The following CPNE4 variants were observed in gnomAD, a reference collection of about 807,000 sequenced individuals.
CPNE4 encodes copine 4.
Under a neutral mutation model 67.9 loss-of-function variants are expected in CPNE4, and 25 were observed. That is an observed-to-expected ratio of 0.37 (90% confidence interval 0.27 to 0.51). CPNE4 has a LOEUF of 0.51. Among genes scored for constraint, CPNE4 ranks in the 20% least tolerant of loss-of-function variants. The pLI, the probability that CPNE4 is intolerant of heterozygous loss-of-function variation, is 0.93. For missense variants in CPNE4, 464 were observed against 690.8 expected, an observed-to-expected ratio of 0.67 and a Z score of 3.68; for synonymous variants, 242 against 244.9, an observed-to-expected ratio of 0.99 and a Z score of 0.11.
intron 1 of CPNE4, among the ~76,000 whole-genome samples, chr3:132,014,318 C>T (rs1237676888): frequency 6.6e-6 from 1 of 152,072 alleles, no homozygotes; most frequent in Non-Finnish European, 1.5e-5. Context: ...CTACTCCTCC[C>T]CCCGAATGCT....
At chr3:132,001,465 T>C (rs1323488216) in intron 1 of CPNE4, among the ~76,000 whole-genome samples, 1 of 150,080 alleles carries the variant, frequency 6.7e-6, no homozygotes, top group Non-Finnish European at 1.5e-5. Context: ...ACAAAAAAAC[T>C]CAAAGCCTGC....
At chr3:131,976,561 C>T (rs981573756) in intron 1 of CPNE4, among the ~76,000 whole-genome samples, 12 of 152,160 alleles carry the variant, frequency 7.9e-5, no homozygotes, top group Middle Eastern at 3.4e-3. Context: ...CAGAATATTA[C>T]ATCTAGCATC....
At chr3:131,639,147 A>G (rs1329429876) in intron 7 of CPNE4, among the ~76,000 whole-genome samples, 4 of 152,150 alleles carry the variant, frequency 2.6e-5, no homozygotes, top group Non-Finnish European at 4.4e-5. Flanking sequence ...GCAGAAGATA[A>G]TAAATAAGGA....
chr3:131,597,765 T>G (rs1453958145), intron 7 of CPNE4, among the ~76,000 whole-genome samples: 1 of 152,260 alleles, frequency 6.6e-6, no homozygotes, highest in Non-Finnish European at 1.5e-5. Flanking sequence ...TAAGCTTCTA[T>G]GTAATCCATT....
At chr3:131,789,007 C>CAA (rs2083639476) in intron 2 of CPNE4, among the ~76,000 whole-genome samples, 1 of 100,690 alleles carries the variant, frequency 9.9e-6, no homozygotes, top group Non-Finnish European at 2.0e-5. Flanking sequence ...CTCAACCAGA[C>CAA]ACACACACAC....
intron 1 of CPNE4, among the ~76,000 whole-genome samples, chr3:132,028,831 G>GA (rs11394981): frequency 0.67 from 101,095 of 150,758 alleles, 34,636 homozygotes; most frequent in South Asian, 0.74. Flanking sequence ...TTTAGTACTA[G>GA]AAAAAAAAGA....
At chr3:131,542,406 A>G (rs1582756294) in intron 15 of CPNE4, 151 bp downstream of exon 15, 3 of 681,346 alleles carry the variant, frequency 4.4e-6, no homozygotes, top group Non-Finnish European at 5.3e-6. Context: ...TAGCTAAGCC[A>G]GGTCATCTCC....
intron 2 of CPNE4, among the ~76,000 whole-genome samples, chr3:131,784,057 A>G (rs2083491907): frequency 1.3e-5 from 2 of 151,964 alleles, no homozygotes; most frequent in South Asian, 4.2e-4. Context: ...AAGGTTTTTA[A>G]CTCTCACTTG....
intron 7 of CPNE4, among the ~76,000 whole-genome samples, chr3:131,668,663 G>A (rs60773692): frequency 0.29 from 43,823 of 151,908 alleles, 6,600 homozygotes; most frequent in Middle Eastern, 0.33. Context: ...GTCTCCAGTA[G>A]ATTTGCTTAG....
chr3:131,819,536 T>C (rs2084883085), intron 2 of CPNE4, among the ~76,000 whole-genome samples: 1 of 147,020 alleles, frequency 6.8e-6, no homozygotes, highest in Non-Finnish European at 1.5e-5. Flanking sequence ...ACAGTTTCCT[T>C]AAAACCAAAT....
chr3:131,551,070 C>T (rs1936147472), intron 13 of CPNE4, among the ~76,000 whole-genome samples: 1 of 152,090 alleles, frequency 6.6e-6, no homozygotes, highest in Non-Finnish European at 1.5e-5. Context: ...CCTTTCTATT[C>T]TGAAATAGCA....
intron 1 of CPNE4, among the ~76,000 whole-genome samples, chr3:131,963,325 A>G (rs1031480363): frequency 6.6e-6 from 1 of 151,616 alleles, no homozygotes; most frequent in Non-Finnish European, 1.5e-5. Context: ...GTTTGGGCAG[A>G]CACTGAGCTA....
At chr3:131,805,720 G>A (rs933626654) in intron 2 of CPNE4, among the ~76,000 whole-genome samples, 1 of 152,264 alleles carries the variant, frequency 6.6e-6, no homozygotes, top group South Asian at 2.1e-4. Flanking sequence ...TAGTGACTGG[G>A]TACCAAAAGC....
intron 5 of CPNE4, among the ~76,000 whole-genome samples, chr3:131,686,356 T>C (rs956361871): frequency 1.3e-5 from 2 of 152,280 alleles, no homozygotes; most frequent in African/African-American, 4.8e-5. Flanking sequence ...TTAATGCCTA[T>C]GTAATGACTA....
chr3:131,731,386 T>G (rs2082123808), intron 2 of CPNE4, among the ~76,000 whole-genome samples: 1 of 152,128 alleles, frequency 6.6e-6, no homozygotes, highest in Non-Finnish European at 1.5e-5. Context: ...ATGTTCTGGG[T>G]CTTCCCCTTC....
At chr3:131,636,693 A>C (rs2079396375) in intron 7 of CPNE4, among the ~76,000 whole-genome samples, 1 of 152,096 alleles carries the variant, frequency 6.6e-6, no homozygotes, top group Non-Finnish European at 1.5e-5. Flanking sequence ...CAGCTGATGC[A>C]CTCTTGAAAG....
At chr3:131,858,193 AG>A (rs1204240976) in intron 2 of CPNE4, among the ~76,000 whole-genome samples, 1 of 152,144 alleles carries the variant, frequency 6.6e-6, no homozygotes, top group Non-Finnish European at 1.5e-5. Context: ...GAGTGAAAAA[AG>A]GTTGAATCCA....
intron 11 of CPNE4, among the ~76,000 whole-genome samples, chr3:131,562,591 A>G (rs1330385125): frequency 6.6e-6 from 1 of 152,020 alleles, no homozygotes; most frequent in East Asian, 1.9e-4. Context: ...TTATTTTACT[A>G]GATTACTAAT....
At chr3:132,008,951 T>G (rs1350364291) in intron 1 of CPNE4, among the ~76,000 whole-genome samples, 1 of 152,212 alleles carries the variant, frequency 6.6e-6, no homozygotes, top group Non-Finnish European at 1.5e-5. Flanking sequence ...TGAGCAGCCT[T>G]AAAACCTGCT....
Sources: allele counts gnomAD v4.1 joint callset (sites outside exome capture counted in the v4.1 genomes callset), GRCh38; gene constraint gnomAD v4.1.1; transcripts MANE v1.5; gene names NCBI Gene and HGNC (gene_info 2026-07-23, HGNC 2026-07-21).